The following TMPRSS7 variants were observed in gnomAD, a reference collection of about 807,000 sequenced individuals.
TMPRSS7 encodes transmembrane protease serine 7.
A neutral mutation model predicts 95.6 loss-of-function variants in TMPRSS7; 81 were observed. The ratio of observed to expected loss-of-function variants is 0.85; its 90% CI spans 0.71 to 1.02. TMPRSS7 has a LOEUF of 1.02. Ranked by LOEUF, TMPRSS7 falls within the 50% of genes least tolerant of loss-of-function variation. The probability of loss-of-function intolerance (pLI) is 0.00; values close to 1 mark genes in which losing one functional copy is unlikely to be tolerated. For synonymous variants in TMPRSS7, 364 were observed against 337.8 expected, an observed-to-expected ratio of 1.08 and a Z score of -0.85; for missense variants, 945 against 955.2, an observed-to-expected ratio of 0.99 and a Z score of 0.14.
exon 2 of TMPRSS7, chr3:112,038,123 A>C (rs1419374603): frequency 1.4e-6 from 1 of 702,776 alleles, no homozygotes; most frequent in Non-Finnish European, 2.6e-6. Flanking sequence ...GCTGCCAGTG[A>C]GACGACCACC....
Position 112,077,255 on chromosome 3 carries a change from C to T in TMPRSS7, c.2224+111C>T, listed in dbSNP as rs573210551. ...TTTGTGTATATGATCTCCTTTGAAC[C>T]TCCTGACAACTCTGGAAGGTTGGAT... On this transcript the variant is annotated intron_variant, in intron 16 of 17. Transcript: ENST00000452346. 4.2e-6 allele frequency: 5 copies of T among 1,180,720 alleles called. No individual in the cohort carries two copies. The South Asian group carries it at 4.6e-5, about 11-fold the overall frequency. 73.1% of individuals were successfully genotyped at this position (1,180,720 alleles called of 1,614,324 possible).
chr3:112,072,015 G>A lies in TMPRSS7; in HGVS notation c.1667-2281G>A, dbSNP rs183674960. 5.4e-4 allele frequency among the ~76,000 whole-genome samples: 83 copies of A among 152,314 alleles called. 1 individual carries two copies. In the East Asian group the frequency reaches 0.013, roughly 24 times the overall value. On this transcript the variant is annotated intron_variant, in intron 13 of 17. Coordinates refer to ENST00000452346, the Ensembl canonical transcript of TMPRSS7. ...TGGTGAGGAGCTGCATTCCTTTGAA[G>A]GAGAAGAGGCGCTCTGGTTTTTAGA...
intron 11 of TMPRSS7, among the ~76,000 whole-genome samples, chr3:112,063,153 G>A (rs2073531928): frequency 6.6e-6 from 1 of 152,198 alleles, no homozygotes; most frequent in Non-Finnish European, 1.5e-5. Context: ...CTCTAGTGCT[G>A]TCTAAAGACT....
chr3:112,051,533 A>G (rs975403607), intron 9 of TMPRSS7, among the ~76,000 whole-genome samples: 1 of 150,370 alleles, frequency 6.7e-6, no homozygotes, highest in African/African-American at 2.5e-5. Context: ...CTATCTATCT[A>G]TCTATCTATC....
chr3:112,034,983 T>C, intron 1 of TMPRSS7, 90 bp downstream of exon 1: 1 of 669,362 alleles, frequency 1.5e-6, no homozygotes, highest in Non-Finnish European at 2.7e-6. Flanking sequence ...CTTATAAACA[T>C]AAAGGAAACA....
intron 11 of TMPRSS7, among the ~76,000 whole-genome samples, chr3:112,062,935 T>A (rs1375223106): frequency 6.6e-6 from 1 of 152,148 alleles, no homozygotes; most frequent in African/African-American, 2.4e-5. Flanking sequence ...AGAAGCCTGG[T>A]TGAAGAGGAA....
chr3:112,038,225 G>A (rs1292914284), exon 2 of TMPRSS7: 1 of 702,812 alleles, frequency 1.4e-6, no homozygotes, highest in Admixed American at 2.0e-5. Context: ...CAAGAAAAAA[G>A]TTCCCTTTTG....
intron 2 of TMPRSS7, among the ~76,000 whole-genome samples, chr3:112,040,435 A>T: frequency 6.6e-6 from 1 of 152,182 alleles, no homozygotes; most frequent in East Asian, 1.9e-4. Context: ...CTGGTTCCCG[A>T]ACATTCATTT....
intron 1 of TMPRSS7, 38 bp downstream of exon 1, chr3:112,034,931 C>T (rs1215359483): frequency 1.4e-6 from 1 of 702,348 alleles, no homozygotes; most frequent in African/African-American, 1.7e-5. Context: ...TACTTGAATG[C>T]CATTTATTGT....
intron 1 of TMPRSS7, among the ~76,000 whole-genome samples, chr3:112,036,870 G>C (rs557626037): frequency 2.2e-4 from 33 of 152,186 alleles, no homozygotes; most frequent in South Asian, 1.5e-3. Context: ...AATTTCTTAC[G>C]CCTGTCTTTA....
chr3:112,055,975 T>G (rs962279170), intron 9 of TMPRSS7, among the ~76,000 whole-genome samples: 1 of 152,196 alleles, frequency 6.6e-6, no homozygotes, highest in Non-Finnish European at 1.5e-5. Flanking sequence ...GTGGATCACT[T>G]GAGCCCAGGA....
chr3:112,061,639 C>T, intron 10 of TMPRSS7, 148 bp from the exon 11 acceptor site: 1 of 781,758 alleles, frequency 1.3e-6, no homozygotes, highest in East Asian at 2.8e-5. Context: ...AGTCACATGG[C>T]CTAGAATGAA....
chr3:112,038,149 A>G (rs1379562477), exon 2 of TMPRSS7: 3 of 702,774 alleles, frequency 4.3e-6, no homozygotes, highest in Non-Finnish European at 7.8e-6. Flanking sequence ...CAGGGAGACG[A>G]CTACCATTGC....
chr3:112,045,793 T>G (rs181255206), exon 5 of TMPRSS7: 1 of 1,551,512 alleles, frequency 6.4e-7, no homozygotes, highest in East Asian at 2.4e-5. Flanking sequence ...TTGGATTGTT[T>G]TTGTCATGCC....
chr3:112,042,456 G>T (rs546497809), intron 3 of TMPRSS7, among the ~76,000 whole-genome samples: 2 of 152,056 alleles, frequency 1.3e-5, no homozygotes, highest in Non-Finnish European at 1.5e-5. Context: ...TCTCATTGTA[G>T]AACTAATACA....
intron 11 of TMPRSS7, 74 bp downstream of exon 11, chr3:112,061,997 G>A: frequency 2.5e-6 from 3 of 1,217,948 alleles, no homozygotes; most frequent in Non-Finnish European, 3.3e-6. Context: ...TCCAAACCGT[G>A]AGAATTTAAG....
At chr3:112,073,501 AT>A (rs1176464516) in intron 13 of TMPRSS7, among the ~76,000 whole-genome samples, 1 of 151,964 alleles carries the variant, frequency 6.6e-6, no homozygotes, top group Non-Finnish European at 1.5e-5. Context: ...GATGATGAGC[AT>A]TTTTTCATGT....
At chr3:112,075,475 C>G in exon 15 of TMPRSS7, 1 of 1,499,870 alleles carries the variant, frequency 6.7e-7, no homozygotes, top group African/African-American at 1.4e-5. Flanking sequence ...CTGCAGCCCA[C>G]TGTTTTCATG....
chr3:112,068,752 A>C (rs754253091), intron 13 of TMPRSS7, among the ~76,000 whole-genome samples: 1 of 152,168 alleles, frequency 6.6e-6, no homozygotes, highest in South Asian at 2.1e-4. Flanking sequence ...TAAATATACA[A>C]TCATGTCATC....
Sources: gnomAD v4.1 joint callset for allele counts (sites outside exome capture counted in the v4.1 genomes callset) on GRCh38, gnomAD v4.1.1 for gene constraint, MANE v1.5 for transcripts, NCBI Gene and HGNC (gene_info 2026-07-23, HGNC 2026-07-21) for gene names.